Variants in NLGN1 observed in about 807,000 individuals in gnomAD.
The protein encoded by NLGN1 is neuroligin-1.
A neutral mutation model predicts 65.5 loss-of-function variants in NLGN1; 12 were observed. That is an observed-to-expected ratio of 0.18 (90% CI 0.12 to 0.30). NLGN1 has a LOEUF of 0.30. Ranked by LOEUF, NLGN1 falls within the 10% of genes least tolerant of loss-of-function variation. NLGN1 has a pLI of 1.00. For missense variants in NLGN1, 750 were observed against 1,007.1 expected, an observed-to-expected ratio of 0.74 and a Z score of 3.46; for synonymous variants, 350 against 359.5, an observed-to-expected ratio of 0.97 and a Z score of 0.30.
At chr3:173,770,031 A>G (rs1246840426) in intron 3 of NLGN1, among the ~76,000 whole-genome samples, 2 of 152,220 alleles carry the variant, frequency 1.3e-5, no homozygotes, top group Non-Finnish European at 2.9e-5. Flanking sequence ...TTCCAAGGAT[A>G]CAGCAAAGTT....
intron 4 of NLGN1, among the ~76,000 whole-genome samples, chr3:174,250,508 A>G (rs1222644667): frequency 6.6e-6 from 1 of 152,208 alleles, no homozygotes; most frequent in Non-Finnish European, 1.5e-5. Flanking sequence ...TTGCAGAGGA[A>G]CTTTAAGATG....
chr3:174,000,090 T>C (rs371097363), intron 4 of NLGN1, among the ~76,000 whole-genome samples: 23 of 152,244 alleles, frequency 1.5e-4, no homozygotes, highest in Non-Finnish European at 2.6e-4. Context: ...TACATATTAT[T>C]GTACCAATCT....
chr3:173,993,425 A>G (rs187492768), intron 4 of NLGN1, among the ~76,000 whole-genome samples: 2 of 152,234 alleles, frequency 1.3e-5, no homozygotes, highest in East Asian at 3.9e-4. Flanking sequence ...GATATGATTC[A>G]CTCTCTTTGT....
intron 3 of NLGN1, among the ~76,000 whole-genome samples, chr3:173,790,062 G>T (rs1448705402): frequency 1.3e-5 from 2 of 151,622 alleles, no homozygotes; most frequent in Non-Finnish European, 2.9e-5. Flanking sequence ...ATTTATAATT[G>T]TTTCTTTTAT....
intron 4 of NLGN1, among the ~76,000 whole-genome samples, chr3:173,979,820 T>C (rs985761744): frequency 6.6e-6 from 1 of 152,118 alleles, no homozygotes; most frequent in African/African-American, 2.4e-5. Context: ...GAGTAGATTG[T>C]GAGCCCCTAG....
At chr3:173,407,369 G>A (rs1352912644) in intron 1 of NLGN1, among the ~76,000 whole-genome samples, 1 of 152,148 alleles carries the variant, frequency 6.6e-6, no homozygotes, top group Non-Finnish European at 1.5e-5. Flanking sequence ...CAAAACTGAA[G>A]TCCAGAGGAA....
chr3:173,964,289 A>G (rs908776480), intron 4 of NLGN1, among the ~76,000 whole-genome samples: 2 of 152,202 alleles, frequency 1.3e-5, no homozygotes, highest in African/African-American at 4.8e-5. Flanking sequence ...GACAACACAA[A>G]GTCGTGCAGT....
chr3:173,555,414 G>C (rs1019074647), intron 2 of NLGN1, among the ~76,000 whole-genome samples: 1 of 152,112 alleles, frequency 6.6e-6, no homozygotes, highest in African/African-American at 2.4e-5. Context: ...CTAATCTTAG[G>C]AGAATTATTA....
intron 3 of NLGN1, among the ~76,000 whole-genome samples, chr3:173,778,664 T>A (rs1405822538): frequency 3.3e-5 from 5 of 151,942 alleles, no homozygotes; most frequent in Admixed American, 6.6e-5. Flanking sequence ...ATGTAGCTAT[T>A]GAATGGATTT....
intron 3 of NLGN1, among the ~76,000 whole-genome samples, chr3:173,710,841 G>A (rs898754542): frequency 1.3e-5 from 2 of 152,142 alleles, no homozygotes; most frequent in Non-Finnish European, 2.9e-5. Context: ...AACTGGGTAA[G>A]AAAGAAGGGA....
chr3:173,986,873 G>A (rs536859201), intron 4 of NLGN1, among the ~76,000 whole-genome samples: 28 of 152,272 alleles, frequency 1.8e-4, no homozygotes, highest in African/African-American at 5.3e-4. Context: ...TTTAGTTCTT[G>A]TGCCCTAGAG....
intron 2 of NLGN1, among the ~76,000 whole-genome samples, chr3:173,532,329 A>C (rs80319089): frequency 0.016 from 2,424 of 152,316 alleles, 22 homozygotes; most frequent in Middle Eastern, 0.027. Flanking sequence ...CAAATTGTGG[A>C]TATTTCAAGG....
At chr3:173,636,079 CG>C in intron 3 of NLGN1, among the ~76,000 whole-genome samples, 1 of 152,104 alleles carries the variant, frequency 6.6e-6, no homozygotes, top group South Asian at 2.1e-4. Context: ...AATTGCCTAT[CG>C]TTTTTACAGT....
At chr3:173,945,408 A>C (rs939017787) in intron 4 of NLGN1, among the ~76,000 whole-genome samples, 1 of 151,984 alleles carries the variant, frequency 6.6e-6, no homozygotes, top group Non-Finnish European at 1.5e-5. Context: ...AATGTGCTCT[A>C]AGTGGTTTGG....
At chr3:174,205,475 CA>C (rs1405569807) in intron 4 of NLGN1, among the ~76,000 whole-genome samples, 1 of 151,968 alleles carries the variant, frequency 6.6e-6, no homozygotes, top group East Asian at 1.9e-4. Context: ...ATTGTTATTG[CA>C]GAAAAGAATA....
chr3:173,669,318 A>C (rs151244377), intron 3 of NLGN1, among the ~76,000 whole-genome samples: 2 of 152,210 alleles, frequency 1.3e-5, no homozygotes, highest in Non-Finnish European at 2.9e-5. Flanking sequence ...TGGGTGGCTT[A>C]GAACAACAGA....
At chr3:174,088,024 G>A (rs1036194974) in intron 4 of NLGN1, among the ~76,000 whole-genome samples, 4 of 152,110 alleles carry the variant, frequency 2.6e-5, no homozygotes, top group South Asian at 2.1e-4. Context: ...TGGCATATAT[G>A]CTATTATATA....
intron 4 of NLGN1, among the ~76,000 whole-genome samples, chr3:173,928,338 C>A (rs1031180138): frequency 1.3e-5 from 2 of 152,170 alleles, no homozygotes; most frequent in Non-Finnish European, 2.9e-5. Flanking sequence ...GGAGCCTCAA[C>A]TGTGTGGTAC....
chr3:174,142,036 CT>C (rs974150470), intron 4 of NLGN1, among the ~76,000 whole-genome samples: 3 of 152,140 alleles, frequency 2.0e-5, no homozygotes, highest in Non-Finnish European at 4.4e-5. Context: ...AACTTTCCCC[CT>C]ACCCTCACCT....
Sources: gnomAD v4.1 joint callset for allele counts (sites outside exome capture counted in the v4.1 genomes callset) on GRCh38, gnomAD v4.1.1 for gene constraint, MANE v1.5 for transcripts, NCBI Gene and HGNC (gene_info 2026-07-23, HGNC 2026-07-21) for gene names.